The following XXYLT1 variants were observed in gnomAD, a reference collection of about 807,000 sequenced individuals.
The protein encoded by XXYLT1 is UDP-xylose:alpha-xyloside alpha-1,3-xylosyltransferase.
In XXYLT1, 20 loss-of-function variants were observed where a neutral mutation model predicts 28.9. That is an observed-to-expected ratio of 0.69 (90% CI 0.49 to 1.00). XXYLT1 has a LOEUF of 1.00. XXYLT1 is among the 50% of genes least tolerant of loss of function. XXYLT1 has a pLI of 0.00. For missense variants in XXYLT1, 542 were observed against 560.1 expected (o/e 0.97, Z 0.33); for synonymous variants, 257 against 253.8 (o/e 1.01, Z -0.12).
rs1298019503 is a variant in XXYLT1 at position 195,256,588 on chromosome 3, A to T, written c.504+13967T>A. On this transcript the variant is annotated intron_variant, in intron 1 of 3. Coordinates refer to ENST00000310380, the MANE Select transcript of XXYLT1 (RefSeq NM_152531.5). This position sits in a 1 kb window ranked among gnomAD's most constrained non-coding sequence, Gnocchi z 4.2. The stretch of plus-strand genomic sequence containing the variant: ...GCAACTTCTCACCCGCACATTCAGG[A>T]TGGGGTCTGGAAAGGGCATGAGCTC... 3.0e-6 allele frequency: 3 copies of T among 985,186 alleles called. No individual in the cohort carries two copies. In the African/African-American group the frequency reaches 5.2e-5, roughly 17 times the overall value. 61.0% of individuals were successfully genotyped at this position (985,186 alleles called of 1,614,324 possible).
At chr3:195,219,537 G>A (rs1723728933) in intron 2 of XXYLT1, among the ~76,000 whole-genome samples, 1 of 152,208 alleles carries the variant, frequency 6.6e-6, no homozygotes, top group South Asian at 2.1e-4. Flanking sequence ...AGGAGCTGCT[G>A]GTCTAGAATT....
At chr3:195,140,823 G>T (rs563839282) in intron 3 of XXYLT1, among the ~76,000 whole-genome samples, 1 of 152,278 alleles carries the variant, frequency 6.6e-6, no homozygotes, top group Admixed American at 6.5e-5. Flanking sequence ...AACACATGGG[G>T]ATTACAATTC....
intron 2 of XXYLT1, among the ~76,000 whole-genome samples, chr3:195,203,131 C>T (rs532249296): frequency 2.0e-5 from 3 of 151,766 alleles, no homozygotes; most frequent in African/African-American, 7.3e-5. Context: ...TTTTAAAAAC[C>T]TTCATAGAAA....
At chr3:195,186,821 C>A (rs1722216181) in intron 2 of XXYLT1, among the ~76,000 whole-genome samples, 1 of 151,930 alleles carries the variant, frequency 6.6e-6, no homozygotes, top group African/African-American at 2.4e-5. Context: ...CTGAATAAAT[C>A]TTTGCTGAGT....
At chr3:195,167,700 T>G (rs2108707233) in intron 2 of XXYLT1, among the ~76,000 whole-genome samples, 1 of 152,332 alleles carries the variant, frequency 6.6e-6, no homozygotes, top group East Asian at 1.9e-4. Context: ...ACCTCACCCA[T>G]GCCCAGCCAA....
At chr3:195,151,533 A>G (rs1354052256) in intron 3 of XXYLT1, among the ~76,000 whole-genome samples, 1 of 152,038 alleles carries the variant, frequency 6.6e-6, no homozygotes, top group East Asian at 1.9e-4. Flanking sequence ...CTGTCTTTAA[A>G]AAATAAAAAA....
chr3:195,158,568 A>G (rs1001055470), intron 2 of XXYLT1, among the ~76,000 whole-genome samples: 1 of 152,212 alleles, frequency 6.6e-6, no homozygotes, highest in African/African-American at 2.4e-5. Context: ...AGCACCTTCC[A>G]GGAAGGGTTT....
chr3:195,139,622 A>G (rs1719383007), intron 3 of XXYLT1, among the ~76,000 whole-genome samples: 2 of 152,188 alleles, frequency 1.3e-5, no homozygotes, highest in African/African-American at 4.8e-5. Flanking sequence ...GTCCTGAAGA[A>G]GTAACTGTGG....
chr3:195,099,254 C>T (rs546697187), intron 3 of XXYLT1, among the ~76,000 whole-genome samples: 4 of 152,278 alleles, frequency 2.6e-5, no homozygotes, highest in East Asian at 1.9e-4. Context: ...TTCACACATA[C>T]GAGGTTGACC....
chr3:195,265,673 G>C (rs1725828035), intron 1 of XXYLT1, among the ~76,000 whole-genome samples: 3 of 152,222 alleles, frequency 2.0e-5, no homozygotes, highest in African/African-American at 7.2e-5. Context: ...GTAGAACCAT[G>C]TGATGAGACT....
At position 195,122,315 on chromosome 3, in the gene XXYLT1, A is replaced by C. The variant is rs2108615985; in HGVS notation, c.785+34134T>G. 4.9e-6 allele frequency: 3 copies of C among 609,874 alleles called. No homozygotes were observed. The East Asian group carries it at 8.3e-5, about 17-fold the overall frequency. The allele number at this position is 609,874 out of a possible 1,614,324, so 37.8% of individuals were successfully genotyped here. A position where few individuals can be genotyped will look rare whatever the true frequency, so the allele number is the denominator to read the frequency against. On this transcript the variant is annotated intron_variant, in intron 3 of 3. Coordinates refer to ENST00000310380, the MANE Select transcript of XXYLT1 (RefSeq NM_152531.5). ...GTCCATTGCACCCCTCAGTAGTCTA[A>C]AAGGGCTGAGGTTAAAAACGCAGAT...
Position 195,168,205 on chromosome 3 carries a change from T to C in XXYLT1, c.653-11624A>G, listed in dbSNP as rs1721224552. Among the ~76,000 whole-genome samples, 1 of 152,142 alleles carries C rather than the reference T, an allele frequency of 6.6e-6. No homozygotes were observed. The highest frequency in any genetic ancestry group is 2.1e-4 in the South Asian group (1 of 4,822). ...GACTGTAAGGATGAGGGGTTTGAAA[T>C]GAATGTGGTCTGAGACTCCTCCCAG... On this transcript the variant is annotated intron_variant, in intron 2 of 3. Coordinates refer to ENST00000310380, the MANE Select transcript of XXYLT1 (RefSeq NM_152531.5). The surrounding 1 kb of genome is among the most constrained non-coding windows in gnomAD (Gnocchi z 4.3).
At chr3:195,145,273 C>G (rs1484330996) in intron 3 of XXYLT1, among the ~76,000 whole-genome samples, 1 of 150,158 alleles carries the variant, frequency 6.7e-6, no homozygotes, top group Non-Finnish European at 1.5e-5. Context: ...GTGGAAGCCA[C>G]GTGAATGGGC....
At chr3:195,212,885 G>C (rs1208854048) in intron 2 of XXYLT1, among the ~76,000 whole-genome samples, 1 of 152,216 alleles carries the variant, frequency 6.6e-6, no homozygotes, top group African/African-American at 2.4e-5. Flanking sequence ...CCTCTGGGTT[G>C]AGATCCTCTG....
In XXYLT1 at chr3:195,180,780, C is replaced by T. The variant is rs974317163; in HGVS notation, c.653-24199G>A. On this transcript the variant is annotated intron_variant, in intron 2 of 3. Transcript: ENST00000310380. This position sits in a 1 kb window ranked among gnomAD's most constrained non-coding sequence, Gnocchi z 5.8. ...TGCTCGCCAGGAGCAAGGGCAGCGC[C>T]GGCCCTCCTCGGGAGAAGCTCCAAG... 2.6e-5 allele frequency among the ~76,000 whole-genome samples: 4 copies of T among 152,220 alleles called. No individual in the cohort carries two copies. The highest frequency in any genetic ancestry group is 1.9e-4 in the East Asian group (1 of 5,194).
At chr3:195,259,045 G>A (rs930641367) in intron 1 of XXYLT1, among the ~76,000 whole-genome samples, 6 of 152,228 alleles carry the variant, frequency 3.9e-5, no homozygotes, top group East Asian at 1.9e-4. Flanking sequence ...AGCAGCCACC[G>A]TTGACCAAGC....
At chr3:195,181,384 C>T (rs996731756) in intron 2 of XXYLT1, among the ~76,000 whole-genome samples, 1 of 152,218 alleles carries the variant, frequency 6.6e-6, no homozygotes, top group African/African-American at 2.4e-5. Flanking sequence ...CACATTTACC[C>T]CCTGGCCCTG....
chr3:195,150,581 A>AGCAGCTGACAGGAATAGCCT lies in XXYLT1; in HGVS notation c.785+5848_785+5867dup, dbSNP rs1341053435. ...AATTCCCGCCTGGTGGCATGTTATCAGCAGCTGACAGGAATAGCCTGCCGC... is the reference window on the plus strand; with the variant it reads ...AATTCCCGCCTGGTGGCATGTTATCAGCAGCTGACAGGAATAGCCTGCAGCTGACAGGAATAGCCTGCCGC... On this transcript the variant is annotated intron_variant, in intron 3 of 3. Transcript: ENST00000310380. The surrounding 1 kb of genome is among the most constrained non-coding windows in gnomAD (Gnocchi z 4.7). 2.6e-5 allele frequency among the ~76,000 whole-genome samples: 4 copies of AGCAGCTGACAGGAATAGCCT among 152,210 alleles called. No individual in the cohort carries two copies. The highest frequency in any genetic ancestry group is 9.6e-5 in the African/African-American group (4 of 41,452).
intron 1 of XXYLT1, among the ~76,000 whole-genome samples, chr3:195,254,905 C>A (rs936227003): frequency 6.6e-6 from 1 of 152,178 alleles, no homozygotes. Flanking sequence ...TAAACAACTA[C>A]CCCCCACCTC....
Sources: gnomAD v4.1 joint callset for allele counts (sites outside exome capture counted in the v4.1 genomes callset) on GRCh38, gnomAD v4.1.1 for gene constraint, Gnocchi (gnomAD v3.1) non-coding constraint, MANE v1.5 for transcripts, NCBI Gene and HGNC (gene_info 2026-07-23, HGNC 2026-07-21) for gene names.